Variants in ACP7 observed in about 807,000 individuals in gnomAD.
ACP7 encodes acid phosphatase 7, tartrate resistant (putative), also known as acid phosphatase type 7.
A neutral mutation model predicts 60.6 loss-of-function variants in ACP7; 58 were observed. The ratio of observed to expected loss-of-function variants is 0.96; its 90% CI spans 0.77 to 1.19. ACP7 has a LOEUF of 1.19. Among genes scored for constraint, ACP7 ranks in the 50% most tolerant of loss-of-function variants. The pLI, the probability that ACP7 is intolerant of heterozygous loss-of-function variation, is 0.00. For synonymous variants in ACP7, 237 were observed against 232.6 expected (o/e 1.02, Z -0.17); for missense variants, 574 against 596.2 (o/e 0.96, Z 0.39).
chr19:39,104,037 C>G (rs1020912363), intron 11 of ACP7, among the ~76,000 whole-genome samples: 1 of 146,608 alleles, frequency 6.8e-6, no homozygotes, highest in Non-Finnish European at 1.5e-5. Flanking sequence ...TCTAGGAGTT[C>G]GAGACCAGCC....
intron 2 of ACP7, among the ~76,000 whole-genome samples, chr19:39,089,464 T>C (rs2073180750): frequency 6.6e-6 from 1 of 152,206 alleles, no homozygotes; most frequent in Admixed American, 6.6e-5. Flanking sequence ...CAGTTTCCCC[T>C]GATGTTAACA....
In ACP7 at chr19:39,110,091, C is replaced by G. The variant is rs146792018; in HGVS notation, c.1290C>G (p.Pro430=). ...KIVDDVWVVR[P]LFGRRMYL is the part of the protein sequence containing the mutation. ...TAGATGATGTCTGGGTGGTGAGACC[C>G]CTGTTTGGCCGGAGGATGTACCTCT... Residue 430 remains proline, a synonymous_variant, in exon 13 of 13, where the codon CCC becomes CCG. Transcript: ENST00000331256. 1.9e-6 allele frequency: 3 copies of G among 1,613,914 alleles called. No homozygotes were observed. The highest frequency in any genetic ancestry group is 2.5e-6 in the Non-Finnish European group (3 of 1,179,838).
chr19:39,095,925 A>G (rs1600259321), intron 2 of ACP7, among the ~76,000 whole-genome samples: 1 of 152,182 alleles, frequency 6.6e-6, no homozygotes, highest in South Asian at 2.1e-4. Flanking sequence ...TTGTCCCCTT[A>G]CAGCCACAGC....
chr19:39,100,899 C>G, intron 7 of ACP7, 46 bp downstream of exon 7: 1 of 1,600,682 alleles, frequency 6.2e-7, no homozygotes, highest in Non-Finnish European at 8.5e-7. Context: ...AGCCCCACCT[C>G]CCCCTCCACC....
intron 2 of ACP7, among the ~76,000 whole-genome samples, chr19:39,087,774 C>T (rs560547791): frequency 1.3e-5 from 2 of 152,090 alleles, no homozygotes; most frequent in East Asian, 1.9e-4. Flanking sequence ...TCTGGGATTA[C>T]AGGCATGCAC....
At chr19:39,108,211 T>C (rs1429119678) in intron 12 of ACP7, among the ~76,000 whole-genome samples, 1 of 149,444 alleles carries the variant, frequency 6.7e-6, no homozygotes, top group Non-Finnish European at 1.5e-5. Flanking sequence ...GCAGTCTTGG[T>C]TTACTGCAAC....
intron 2 of ACP7, among the ~76,000 whole-genome samples, chr19:39,093,112 C>CTT (rs1261097115): frequency 8.4e-4 from 107 of 127,212 alleles, no homozygotes; most frequent in African/African-American, 3.0e-3. Context: ...TTTTCTTTTT[C>CTT]TTTCTTTCTT....
chr19:39,107,821 G>A (rs1301813303), intron 12 of ACP7, among the ~76,000 whole-genome samples: 1 of 152,044 alleles, frequency 6.6e-6, no homozygotes, highest in Non-Finnish European at 1.5e-5. Context: ...GGGAGGTGAA[G>A]TTTGCAGTGA....
At chr19:39,096,002 C>G (rs1358082332) in intron 2 of ACP7, among the ~76,000 whole-genome samples, 1 of 152,218 alleles carries the variant, frequency 6.6e-6, no homozygotes, top group Non-Finnish European at 1.5e-5. Context: ...CTGGGCCCTG[C>G]CCATGAAACC....
At chr19:39,100,082 A>T in intron 4 of ACP7, 145 bp from the exon 5 acceptor site, 1 of 1,193,846 alleles carries the variant, frequency 8.4e-7, no homozygotes. Flanking sequence ...GCTGGTTTTG[A>T]ATTCCTGGGC....
At chr19:39,093,141 C>CT (rs796215234) in intron 2 of ACP7, among the ~76,000 whole-genome samples, 5 of 25,418 alleles carry the variant, frequency 2.0e-4, no homozygotes, top group Admixed American at 2.5e-4. Context: ...TCTTCCCTCA[C>CT]TCCTTTCTTT....
intron 2 of ACP7, among the ~76,000 whole-genome samples, chr19:39,092,058 G>A (rs10409017): frequency 0.6 from 91,214 of 151,884 alleles, 27,472 homozygotes; most frequent in Middle Eastern, 0.65. Context: ...CTCTGTCTAC[G>A]ATATATTTAT....
In ACP7 at chr19:39,084,397, G is replaced by A. The variant is rs774727; in HGVS notation, c.-182G>A. ...GCGCGTGCGGGCAGCCGGCGCCCCC[G>A]AGGGTGAGCCGGGGTCCGGGAGGGC... On this transcript the variant is annotated 5_prime_UTR_variant, in exon 1 of 13. Transcript: ENST00000331256. 0.24 allele frequency: 36,533 copies of A among 152,318 alleles called. 4,447 individuals carry two copies. Among genetic ancestry groups the A allele is most frequent in the Non-Finnish European group, 0.26 (17,460 of 68,188 alleles). The allele number at this position is 152,318 out of a possible 1,614,324, so 9.4% of individuals were successfully genotyped here. A position where few individuals can be genotyped will look rare whatever the true frequency, so the allele number is the denominator to read the frequency against.
chr19:39,100,071 A>G (rs1394964439), intron 4 of ACP7, among the ~76,000 whole-genome samples, 156 bp from the exon 5 acceptor site: 1 of 151,472 alleles, frequency 6.6e-6, no homozygotes, highest in Non-Finnish European at 1.5e-5. Context: ...CACTTTGGGA[A>G]GCTGGTTTTG....
intron 2 of ACP7, among the ~76,000 whole-genome samples, chr19:39,093,723 C>T (rs1197143958): frequency 6.6e-6 from 1 of 152,100 alleles, no homozygotes; most frequent in Non-Finnish European, 1.5e-5. Context: ...CCACTCATCC[C>T]CTGTAAGTAA....
intron 2 of ACP7, among the ~76,000 whole-genome samples, chr19:39,088,999 G>C (rs745836790): frequency 3.3e-5 from 5 of 151,234 alleles, no homozygotes; most frequent in Non-Finnish European, 7.4e-5. Flanking sequence ...GTGAGATCTT[G>C]GCTCACTGCA....
intron 11 of ACP7, among the ~76,000 whole-genome samples, chr19:39,103,090 G>A (rs1203505013): frequency 6.6e-6 from 1 of 151,964 alleles, no homozygotes; most frequent in Non-Finnish European, 1.5e-5. Flanking sequence ...AGCCCACCTC[G>A]GCCTCCCAAA....
At position 39,092,200 on chromosome 19, in the gene ACP7, C is replaced by T. The variant is rs548105309; in HGVS notation, c.122-6258C>T. 3.3e-5 allele frequency among the ~76,000 whole-genome samples: 5 copies of T among 152,210 alleles called. No homozygotes were observed. The South Asian group carries it at 8.3e-4, about 25-fold the overall frequency. Reference sequence around the variant, plus strand: ...CCAGCTTGGCCAACATGGTAAAACCCGGTCTCTACTAAAAATACAAAAAAT... The same window carrying T: ...CCAGCTTGGCCAACATGGTAAAACCTGGTCTCTACTAAAAATACAAAAAAT... On this transcript the variant is annotated intron_variant, in intron 2 of 12. Coordinates refer to ENST00000331256, the MANE Select transcript of ACP7 (RefSeq NM_001004318.3).
chr19:39,095,311 AT>A lies in ACP7; in HGVS notation c.122-3145del, dbSNP rs1366720403. ...TCCTAGATACAATGGGGGTACAGGTATTGGGTAAATACAGCCATTCCAAATG... is the reference window on the plus strand; with the variant it reads ...TCCTAGATACAATGGGGGTACAGGTATGGGTAAATACAGCCATTCCAAATG... On this transcript the variant is annotated intron_variant, in intron 2 of 12. Coordinates refer to ENST00000331256, the MANE Select transcript of ACP7 (RefSeq NM_001004318.3). Among the ~76,000 whole-genome samples, 3 of 152,328 alleles carry A rather than the reference AT, an allele frequency of 2.0e-5. No homozygotes were observed. In the East Asian group the frequency reaches 5.8e-4, roughly 29 times the overall value.
Sources: allele counts gnomAD v4.1 joint callset (sites outside exome capture counted in the v4.1 genomes callset), GRCh38; gene constraint gnomAD v4.1.1; transcripts MANE v1.5; gene names NCBI Gene and HGNC (gene_info 2026-07-23, HGNC 2026-07-21).